Variants in AAK1 observed in about 807,000 individuals in gnomAD.
The protein encoded by AAK1 is AP2-associated protein kinase 1.
In AAK1, 37 loss-of-function variants were observed where a neutral mutation model predicts 116.0. The ratio of observed to expected loss-of-function variants is 0.32; its 90% CI spans 0.25 to 0.42. AAK1 has a LOEUF of 0.42. AAK1 is among the 10% of genes least tolerant of loss of function. AAK1 has a pLI of 1.00. For missense variants in AAK1, 919 were observed against 1,170.6 expected (o/e 0.79, Z 3.14); for synonymous variants, 458 against 439.9 (o/e 1.04, Z -0.51).
intron 2 of AAK1, among the ~76,000 whole-genome samples, chr2:69,633,531 G>C (rs908157520): frequency 4.6e-5 from 7 of 151,486 alleles, no homozygotes; most frequent in Non-Finnish European, 1.0e-4. Flanking sequence ...AACCCGGGAG[G>C]CAGAGGTTGC....
intron 2 of AAK1, among the ~76,000 whole-genome samples, chr2:69,571,806 C>T (rs1455237777): frequency 6.6e-6 from 1 of 152,170 alleles, no homozygotes; most frequent in African/African-American, 2.4e-5. Context: ...GACAGGGGTA[C>T]ATGGCTTGCA....
Position 69,467,910 on chromosome 2 carries a change from C to G in AAK1, c.*7959G>C. On this transcript the variant is annotated 3_prime_UTR_variant, in exon 22 of 22. Coordinates refer to ENST00000409085, the MANE Select transcript of AAK1 (RefSeq NM_014911.5). ...CAAAAATACTATGTTTCTCTGAATC[C>G]TATAACTTTTTAGCAGTGCTTCTTT... The G allele has an allele frequency of 1.0e-6, 1 of 985,250 alleles. No individual in the cohort carries two copies. The highest frequency in any genetic ancestry group is 1.2e-6 in the Non-Finnish European group (1 of 829,796). 61.0% of individuals were successfully genotyped at this position (985,250 alleles called of 1,614,324 possible).
At chr2:69,638,537 G>A (rs540007814) in intron 2 of AAK1, among the ~76,000 whole-genome samples, 49 of 152,266 alleles carry the variant, frequency 3.2e-4, no homozygotes, top group Admixed American at 2.6e-3. Flanking sequence ...GCACCTCCAG[G>A]GAGCAACTTA....
chr2:69,625,715 C>CAGG (rs1397421487), intron 2 of AAK1, among the ~76,000 whole-genome samples: 11 of 152,220 alleles, frequency 7.2e-5, no homozygotes, highest in African/African-American at 1.9e-4. Context: ...AACTGGAAGA[C>CAGG]AGGAAATATA....
chr2:69,508,633 A>C (rs1676278564), intron 14 of AAK1, among the ~76,000 whole-genome samples: 1 of 152,202 alleles, frequency 6.6e-6, no homozygotes, highest in South Asian at 2.1e-4. Context: ...ATATAAGCTC[A>C]AAAAAATGTT....
At position 69,482,795 on chromosome 2, in the gene AAK1, G is replaced by C; in HGVS notation, c.2383C>G (p.Leu795Val). 1.2e-6 allele frequency: 2 copies of C among 1,612,968 alleles called. No homozygotes were observed. Among genetic ancestry groups the C allele is most frequent in the Non-Finnish European group, 1.7e-6 (2 of 1,179,000 alleles). ...PDAPEKLIEG[L>V]KSPDTSLLLP... ...AGAAGAGAAGTGTCAGGAGATTTGA[G>C]TCCCTCAATTAGTTTTTCTACGTTG... The change falls in exon 18 of 22, where the codon CTC becomes GTC. Residue 795 changes from leucine to valine, a missense_variant. Coordinates refer to ENST00000409085, the MANE Select transcript of AAK1 (RefSeq NM_014911.5).
At chr2:69,557,127 T>C in intron 2 of AAK1, 149 bp from the exon 3 acceptor site, 2 of 624,054 alleles carry the variant, frequency 3.2e-6, no homozygotes, top group Non-Finnish European at 5.8e-6. Context: ...GTAGAACACA[T>C]TCTTAGATTC....
Position 69,495,990 on chromosome 2 carries a change from G to A in AAK1, c.2360C>T (p.Ala787Val), listed in dbSNP as rs1675724886. 3.2e-6 allele frequency: 5 copies of A among 1,552,772 alleles called. No homozygotes were observed. The highest frequency in any genetic ancestry group is 1.4e-5 in the African/African-American group (1 of 73,226). Residue 787 changes from alanine to valine, a missense_variant, in exon 17 of 22, where the codon GCA becomes GTA. By Grantham distance (64) the Ala-to-Val change is moderately conservative. Around this residue, in one of 4 missense-constraint regions of AAK1, gnomAD observed 263 missense variants for 285.5 expected, o/e 0.92. Transcript: ENST00000409085. ...DPFIPLQVPD[A>V]PEKLIEGLKS... is the part of the protein sequence containing the mutation. ...GAACAGTTCTGTTCACCTACCTGGT[G>A]CATCAGGTACTTGAAGAGGAATGAA...
rs762996951 is a variant in AAK1 at position 69,463,503 on chromosome 2, A to C, written c.*12366T>G. 3.3e-5 allele frequency: 5 copies of C among 151,748 alleles called. No homozygotes were observed. Among genetic ancestry groups the C allele is most frequent in the African/African-American group, 1.2e-4 (5 of 41,322 alleles). 9.4% of individuals were successfully genotyped at this position (151,748 alleles called of 1,614,324 possible). A position where few individuals can be genotyped will look rare whatever the true frequency, so the allele number is the denominator to read the frequency against. On this transcript the variant is annotated 3_prime_UTR_variant, in exon 22 of 22. Transcript: ENST00000409085. Reference sequence around the variant, plus strand: ...AGGCATATGTCACCATACCCAGCTAATTTTTTTCATTATTTTATTTAATTT... The same window carrying C: ...AGGCATATGTCACCATACCCAGCTACTTTTTTTCATTATTTTATTTAATTT...
At chr2:69,621,992 A>G (rs2105238879) in intron 2 of AAK1, among the ~76,000 whole-genome samples, 1 of 152,348 alleles carries the variant, frequency 6.6e-6, no homozygotes, top group South Asian at 2.1e-4. Context: ...GTGCTTGAGG[A>G]GCCCTTCAGC....
At chr2:69,600,313 ACAAT>A (rs1302160124) in intron 2 of AAK1, among the ~76,000 whole-genome samples, 5 of 137,532 alleles carry the variant, frequency 3.6e-5, no homozygotes, top group African/African-American at 1.5e-4. Flanking sequence ...TTTTGCACTA[ACAAT>A]CAGTTTGTGA....
Position 69,530,530 on chromosome 2 carries a change from T to C in AAK1, c.738+95A>G, listed in dbSNP as rs1396473573. 1.6e-5 allele frequency: 16 copies of C among 1,023,864 alleles called. 1 individual carries two copies. The Admixed American group carries it at 3.1e-4, about 20-fold the overall frequency. 63.4% of individuals were successfully genotyped at this position (1,023,864 alleles called of 1,614,324 possible). On this transcript the variant is annotated intron_variant, in intron 7 of 21. Coordinates refer to ENST00000409085, the MANE Select transcript of AAK1 (RefSeq NM_014911.5). The stretch of plus-strand genomic sequence containing the variant: ...GTAAGTAGACCATGATATGGTACAG[T>C]AGCCACCATGCTATAGCGCTGTGTG...
In AAK1 at chr2:69,485,653, ATCTC is replaced by A. The variant is rs762541181; in HGVS notation, c.2366-2845_2366-2842del. Among the ~76,000 whole-genome samples the A allele has an allele frequency of 1.1e-4, 16 of 149,362 alleles. 2 individuals carry two copies. The East Asian group carries it at 1.4e-3, about 13-fold the overall frequency. On this transcript the variant is annotated intron_variant, in intron 17 of 21. Coordinates refer to ENST00000409085, the MANE Select transcript of AAK1 (RefSeq NM_014911.5). The stretch of plus-strand genomic sequence containing the variant: ...GTGGAAAGAACAGGAATTGAAGAAA[ATCTC>A]TCTTTTTTTTTTTTTTCTGAGATGG...
chr2:69,530,217 A>C (rs1572929237), intron 7 of AAK1, 77 bp from the exon 8 acceptor site: 1 of 1,428,246 alleles, frequency 7.0e-7, no homozygotes, highest in Non-Finnish European at 9.4e-7. Context: ...AGAAACTGGC[A>C]CCATCCACAT....
At chr2:69,494,110 C>T (rs766887042) in intron 17 of AAK1, among the ~76,000 whole-genome samples, 8 of 152,132 alleles carry the variant, frequency 5.3e-5, no homozygotes, top group African/African-American at 1.9e-4. Flanking sequence ...GTAAATAATA[C>T]ACTCCTGCAG....
At chr2:69,494,408 A>G (rs1675659004) in intron 17 of AAK1, among the ~76,000 whole-genome samples, 1 of 152,188 alleles carries the variant, frequency 6.6e-6, no homozygotes, top group South Asian at 2.1e-4. Flanking sequence ...CTCCTGTGAC[A>G]GCTGCACAGG....
At chr2:69,550,185 C>G (rs897912322) in intron 3 of AAK1, among the ~76,000 whole-genome samples, 1 of 152,182 alleles carries the variant, frequency 6.6e-6, no homozygotes, top group African/African-American at 2.4e-5. Flanking sequence ...GCACTGAGCT[C>G]TCTATCCAGA....
chr2:69,467,547 T>A lies in AAK1; in HGVS notation c.*8322A>T. On this transcript the variant is annotated 3_prime_UTR_variant, in exon 22 of 22. Coordinates refer to ENST00000409085, the MANE Select transcript of AAK1 (RefSeq NM_014911.5). Reference sequence around the variant, plus strand: ...GGTTGGGGGTAAAGGTATCATTTCATCATGGGCTCAGTAAAGAGATACTAC... The same window carrying A: ...GGTTGGGGGTAAAGGTATCATTTCAACATGGGCTCAGTAAAGAGATACTAC... 1 of 985,408 alleles carries A rather than the reference T, an allele frequency of 1.0e-6. No homozygotes were observed. Among genetic ancestry groups the A allele is most frequent in the African/African-American group, 1.7e-5 (1 of 57,350 alleles). The allele number at this position is 985,408 out of a possible 1,614,324, so 61.0% of individuals were successfully genotyped here.
At chr2:69,495,846 G>A in intron 17 of AAK1, 139 bp downstream of exon 17, 1 of 670,238 alleles carries the variant, frequency 1.5e-6, no homozygotes, top group Non-Finnish European at 2.5e-6. Flanking sequence ...TTGAGACACA[G>A]TAAAAATATA....
Sources: gnomAD v4.1 joint callset for allele counts (sites outside exome capture counted in the v4.1 genomes callset) on GRCh38, gnomAD v4.1.1 for gene constraint, gnomAD v4.1.1 regional missense constraint, MANE v1.5 for transcripts, NCBI Gene and HGNC (gene_info 2026-07-23, HGNC 2026-07-21) for gene names.